TSG101: variants seen among roughly 807,000 people sequenced by gnomAD.
TSG101 encodes tumor susceptibility gene 101 protein.
In TSG101, 19 loss-of-function variants were observed where a neutral mutation model predicts 48.5. The ratio of observed to expected loss-of-function variants is 0.39; its 90% CI spans 0.27 to 0.58. The LOEUF (loss-of-function observed/expected upper bound fraction) is 0.58, where lower values mean the gene tolerates loss of function less well. TSG101 is among the 20% of genes least tolerant of loss of function. The pLI, the probability that TSG101 is intolerant of heterozygous loss-of-function variation, is 0.55. For missense variants in TSG101, 365 were observed against 484.4 expected (o/e 0.75, Z 2.31); for synonymous variants, 174 against 169.4 (o/e 1.03, Z -0.21).
chr11:18,497,411 A>C (rs992491426), intron 7 of TSG101, among the ~76,000 whole-genome samples: 1 of 152,200 alleles, frequency 6.6e-6, no homozygotes, highest in African/African-American at 2.4e-5. Context: ...TATGCCTAAG[A>C]CAGTACTCTT....
intron 7 of TSG101, among the ~76,000 whole-genome samples, chr11:18,500,486 TA>T (rs1305433597): frequency 3.3e-5 from 5 of 152,206 alleles, no homozygotes; most frequent in African/African-American, 9.6e-5. Flanking sequence ...TAACATTTGT[TA>T]TTTTTTTATT....
intron 1 of TSG101, among the ~76,000 whole-genome samples, chr11:18,524,674 G>A (rs1166943712): frequency 6.6e-6 from 1 of 152,146 alleles, no homozygotes; most frequent in African/African-American, 2.4e-5. Context: ...CAAAAGGCAG[G>A]TAGGATGCCC....
At chr11:18,517,643 C>T (rs1850202107) in intron 2 of TSG101, among the ~76,000 whole-genome samples, 1 of 152,170 alleles carries the variant, frequency 6.6e-6, no homozygotes, top group Non-Finnish European at 1.5e-5. Context: ...CTATGGTATG[C>T]AGTACAGTAA....
At chr11:18,516,708 G>A (rs949204417) in intron 2 of TSG101, among the ~76,000 whole-genome samples, 2 of 152,018 alleles carry the variant, frequency 1.3e-5, no homozygotes, top group South Asian at 2.1e-4. Flanking sequence ...TTGAGAGGCC[G>A]AGGCAGGTGG....
intron 7 of TSG101, among the ~76,000 whole-genome samples, chr11:18,487,808 T>C (rs1273569513): frequency 3.9e-5 from 6 of 152,240 alleles, no homozygotes; most frequent in African/African-American, 1.4e-4. Context: ...CCTTTTCCAT[T>C]GCTCCATGTT....
chr11:18,511,649 C>A (rs962340650), intron 4 of TSG101, among the ~76,000 whole-genome samples: 1 of 152,152 alleles, frequency 6.6e-6, no homozygotes, highest in Non-Finnish European at 1.5e-5. Context: ...ATATAATTCA[C>A]ATCCCATAAA....
At chr11:18,490,813 G>T in intron 7 of TSG101, 1 of 542,724 alleles carries the variant, frequency 1.8e-6, no homozygotes, top group South Asian at 1.5e-5. Context: ...CCATGTTCTT[G>T]TAGGCAACAG....
At chr11:18,481,262 T>C (rs1222255046) in intron 9 of TSG101, 1 of 983,346 alleles carries the variant, frequency 1.0e-6, no homozygotes, top group Admixed American at 6.2e-5. Context: ...TCTAAGAAAA[T>C]TAACAGATAA....
chr11:18,515,164 C>T (rs1318578024), intron 3 of TSG101, among the ~76,000 whole-genome samples: 1 of 152,170 alleles, frequency 6.6e-6, no homozygotes, highest in Non-Finnish European at 1.5e-5. Flanking sequence ...CCCATGTGGC[C>T]TTGTTCTCCT....
intron 7 of TSG101, among the ~76,000 whole-genome samples, chr11:18,493,656 G>C (rs538876859): frequency 6.6e-6 from 1 of 152,240 alleles, no homozygotes; most frequent in South Asian, 2.1e-4. Flanking sequence ...CCACACAGTA[G>C]CTTACTGACC....
chr11:18,514,607 A>G, intron 4 of TSG101, 71 bp downstream of exon 4: 1 of 1,332,906 alleles, frequency 7.5e-7, no homozygotes, highest in Non-Finnish European at 1.0e-6. Flanking sequence ...CTTGAGTGCT[A>G]AAAGAAAGCA....
At chr11:18,508,241 A>G (rs1327066526) in intron 5 of TSG101, among the ~76,000 whole-genome samples, 1 of 121,838 alleles carries the variant, frequency 8.2e-6, no homozygotes, top group South Asian at 2.6e-4. Flanking sequence ...TTTTTTTTTG[A>G]TACAGAGTCT....
chr11:18,512,813 C>T (rs943980442), intron 4 of TSG101, among the ~76,000 whole-genome samples: 10 of 150,208 alleles, frequency 6.7e-5, no homozygotes, highest in Admixed American at 2.0e-4. Context: ...CTGCAACCTC[C>T]GCCTCCCAGG....
chr11:18,490,239 C>T (rs1454331419), intron 7 of TSG101: 4 of 519,264 alleles, frequency 7.7e-6, no homozygotes, highest in Non-Finnish European at 1.5e-5. Flanking sequence ...AACATTACTT[C>T]TCTCCCTCCC....
chr11:18,483,308 A>C (rs1849571993), intron 8 of TSG101, among the ~76,000 whole-genome samples: 1 of 152,076 alleles, frequency 6.6e-6, no homozygotes, highest in Non-Finnish European at 1.5e-5. Flanking sequence ...GAGCCTGGCC[A>C]ACATGGTGAT....
intron 4 of TSG101, among the ~76,000 whole-genome samples, chr11:18,514,456 C>G (rs371335978): frequency 1.3e-5 from 2 of 152,250 alleles, no homozygotes; most frequent in East Asian, 1.9e-4. Flanking sequence ...TCAACTAAAG[C>G]CAACAAAATA....
intron 6 of TSG101, among the ~76,000 whole-genome samples, chr11:18,503,082 A>G (rs1468411777): frequency 6.6e-6 from 1 of 152,136 alleles, no homozygotes; most frequent in Non-Finnish European, 1.5e-5. Context: ...CACTTTCTGG[A>G]CAGTTTCTGT....
At chr11:18,486,882 T>C (rs1429887551) in intron 7 of TSG101, among the ~76,000 whole-genome samples, 2 of 151,680 alleles carry the variant, frequency 1.3e-5, no homozygotes, top group Non-Finnish European at 1.5e-5. Flanking sequence ...TGTCCAACAA[T>C]GATAGACTGG....
intron 7 of TSG101, chr11:18,490,566 C>G: frequency 4.1e-6 from 2 of 482,484 alleles, no homozygotes; most frequent in Non-Finnish European, 8.1e-6. Context: ...TTTGTTGTCT[C>G]CAGATGCCAC....
Sources: gnomAD v4.1 joint callset for allele counts (sites outside exome capture counted in the v4.1 genomes callset) on GRCh38, gnomAD v4.1.1 for gene constraint, MANE v1.5 for transcripts, NCBI Gene and HGNC (gene_info 2026-07-23, HGNC 2026-07-21) for gene names.